Variants in EDA observed in about 807,000 individuals in gnomAD.
The protein encoded by EDA is ectodysplasin-A.
Under a neutral mutation model 23.6 loss-of-function variants are expected in EDA, and 2 were observed. That is an observed-to-expected ratio of 0.08 (90% CI 0.03 to 0.27). EDA has a LOEUF of 0.27. Among genes scored for constraint, EDA ranks in the 10% least tolerant of loss-of-function variants. The probability of loss-of-function intolerance (pLI) is 1.00; values close to 1 mark genes in which losing one functional copy is unlikely to be tolerated. For synonymous variants in EDA, 131 were observed against 132.0 expected, an observed-to-expected ratio of 0.99 and a Z score of 0.05; for missense variants, 229 against 324.2, an observed-to-expected ratio of 0.71 and a Z score of 2.26.
intron 1 of EDA, among the ~76,000 whole-genome samples, chrX:69,832,150 C>T (rs2016628445): frequency 9.0e-6 from 1 of 111,694 alleles, no homozygotes; most frequent in Non-Finnish European, 1.9e-5. Flanking sequence ...AGGTTTTCTT[C>T]TAGGATTTTT....
chrX:69,795,294 AC>A (rs1429032490), intron 1 of EDA, among the ~76,000 whole-genome samples: 4 of 112,028 alleles, frequency 3.6e-5, no homozygotes, highest in Non-Finnish European at 7.5e-5. Context: ...TCAAAGTGCT[AC>A]GATTACAGGT....
At chrX:69,792,533 A>G in intron 1 of EDA, among the ~76,000 whole-genome samples, 1 of 112,058 alleles carries the variant, frequency 8.9e-6, no homozygotes, top group Non-Finnish European at 1.9e-5. Flanking sequence ...TAAATCTTTA[A>G]AGAATCTCCA....
chrX:69,654,786 G>A (rs1275471369), intron 1 of EDA, among the ~76,000 whole-genome samples: 7 of 92,097 alleles, frequency 7.6e-5, no homozygotes, highest in East Asian at 7.2e-4. Flanking sequence ...ATCACACACC[G>A]GGGACTGTTG....
rs768662858 is a variant in EDA, at chrX:69,752,714, T to C, written c.396+136010T>C. Among the ~76,000 whole-genome samples, 3 of 111,899 alleles carry C rather than the reference T, an allele frequency of 2.7e-5. 1 individual carries two copies. The South Asian group carries it at 1.1e-3, about 42-fold the overall frequency. On this transcript the variant is annotated intron_variant, in intron 1 of 7. Transcript: ENST00000374552. ...TGTGAATCCATCTGGTCCTGGACTG[T>C]TTTGGTTGGTAGGCTATTAATTATT...
At chrX:70,001,256 A>G (rs758745645) in intron 2 of EDA, among the ~76,000 whole-genome samples, 1 of 111,844 alleles carries the variant, frequency 8.9e-6, no homozygotes, top group African/African-American at 3.2e-5. Flanking sequence ...AGTGTGACTC[A>G]GGATAAGCTC....
intron 1 of EDA, among the ~76,000 whole-genome samples, chrX:69,818,944 A>G (rs1355558085): frequency 9.0e-6 from 1 of 111,592 alleles, no homozygotes; most frequent in Non-Finnish European, 1.9e-5. Context: ...CAATAACCTT[A>G]GTGAACGTTG....
intron 2 of EDA, among the ~76,000 whole-genome samples, chrX:70,008,193 A>T (rs142159633): frequency 1.2e-3 from 139 of 112,236 alleles, no homozygotes; most frequent in African/African-American, 4.4e-3. Flanking sequence ...CCTTGTTCCC[A>T]ATCTTAAAGG....
At chrX:69,719,698 TGAG>T (rs774569179) in intron 1 of EDA, among the ~76,000 whole-genome samples, 11 of 107,064 alleles carry the variant, frequency 1.0e-4, no homozygotes, top group Non-Finnish European at 2.1e-4. Context: ...TCTTTATGGC[TGAG>T]GAGTATTCCG....
intron 1 of EDA, among the ~76,000 whole-genome samples, chrX:69,781,227 G>T (rs370198994): frequency 9.0e-6 from 1 of 111,422 alleles, no homozygotes; most frequent in Non-Finnish European, 1.9e-5. Context: ...TCGTGTGGAT[G>T]TATGTATTCA....
At chrX:69,874,379 T>C (rs1425269055) in intron 1 of EDA, among the ~76,000 whole-genome samples, 1 of 111,334 alleles carries the variant, frequency 9.0e-6, no homozygotes, top group Non-Finnish European at 1.9e-5. Flanking sequence ...ATAAACAGAA[T>C]TAAAAACAAA....
intron 1 of EDA, among the ~76,000 whole-genome samples, chrX:69,731,420 T>C (rs749048834): frequency 9.0e-6 from 1 of 111,614 alleles, no homozygotes; most frequent in Non-Finnish European, 1.9e-5. Flanking sequence ...AGGTTATGAA[T>C]TGAAGCCTTT....
intron 1 of EDA, among the ~76,000 whole-genome samples, chrX:69,764,231 A>ATT: frequency 2.9e-5 from 1 of 34,998 alleles, no homozygotes; most frequent in East Asian, 1.6e-3. Context: ...TTCATTTTTT[A>ATT]TTCTTTTTTT....
At chrX:69,715,186 C>G (rs1211642423) in intron 1 of EDA, among the ~76,000 whole-genome samples, 2 of 108,216 alleles carry the variant, frequency 1.8e-5, no homozygotes, top group African/African-American at 3.4e-5. Flanking sequence ...TTTTGTCACC[C>G]AGGTACTAAG....
intron 1 of EDA, among the ~76,000 whole-genome samples, chrX:69,763,783 C>T (rs1400398793): frequency 9.0e-6 from 1 of 111,567 alleles, no homozygotes; most frequent in East Asian, 2.8e-4. Context: ...TCTGATACAT[C>T]AGTTAGCGTT....
At chrX:69,953,404 G>A (rs1271775740) in intron 1 of EDA, among the ~76,000 whole-genome samples, 6 of 112,144 alleles carry the variant, frequency 5.4e-5, no homozygotes, top group Admixed American at 2.8e-4. Context: ...AGTACCAACC[G>A]TTGGTGAAGA....
chrX:69,899,249 G>A (rs1193255621), intron 1 of EDA, among the ~76,000 whole-genome samples: 1 of 111,624 alleles, frequency 9.0e-6, no homozygotes, highest in African/African-American at 3.3e-5. Flanking sequence ...CATCTGGTGG[G>A]CTAGATTTGC....
At chrX:69,744,956 C>G (rs2013571912) in intron 1 of EDA, among the ~76,000 whole-genome samples, 1 of 111,695 alleles carries the variant, frequency 9.0e-6, no homozygotes, top group African/African-American at 3.3e-5. Context: ...CCTGAAGTCA[C>G]GTCCAGGTAG....
At position 69,645,694 on chromosome X, in the gene EDA, GT is replaced by G. The variant is rs200233251; in HGVS notation, c.396+28991del. 7.8e-3 allele frequency among the ~76,000 whole-genome samples: 822 copies of G among 105,253 alleles called. 6 individuals are homozygous for G. Among genetic ancestry groups the G allele is most frequent in the African/African-American group, 0.028 (790 of 28,242 alleles). The allele number at this position is 105,253 out of a possible 115,157, so 91.4% of individuals were successfully genotyped here. On this transcript the variant is annotated intron_variant, in intron 1 of 7. Coordinates refer to ENST00000374552, the MANE Select transcript of EDA (RefSeq NM_001399.5). Reference sequence around the variant, plus strand: ...CACAATGTGCACGTTTGTTACATATGTATACATGTGCCATGTTGGTGTGCCT... The same window carrying G: ...CACAATGTGCACGTTTGTTACATATGATACATGTGCCATGTTGGTGTGCCT...
At chrX:69,827,777 T>A (rs1367072624) in intron 1 of EDA, among the ~76,000 whole-genome samples, 1 of 112,050 alleles carries the variant, frequency 8.9e-6, no homozygotes, top group Admixed American at 9.5e-5. Flanking sequence ...AGAGGCGCTC[T>A]GCTTTTTAGA....
Sources: allele counts gnomAD v4.1 joint callset (sites outside exome capture counted in the v4.1 genomes callset), GRCh38; gene constraint gnomAD v4.1.1; transcripts MANE v1.5; gene names NCBI Gene and HGNC (gene_info 2026-07-23, HGNC 2026-07-21).